The following MEI4 variants were observed in gnomAD, a reference collection of about 807,000 sequenced individuals.
The protein encoded by MEI4 is meiosis-specific protein MEI4.
Under a neutral mutation model 31.4 loss-of-function variants are expected in MEI4, and 27 were observed. The ratio of observed to expected loss-of-function variants is 0.86; its 90% CI spans 0.63 to 1.19. MEI4 has a LOEUF of 1.19. Among genes scored for constraint, MEI4 ranks in the 50% most tolerant of loss-of-function variants. MEI4 has a pLI of 0.00. For missense variants in MEI4, 329 were observed against 398.9 expected, an observed-to-expected ratio of 0.82 and a Z score of 1.49; for synonymous variants, 122 against 145.4, an observed-to-expected ratio of 0.84 and a Z score of 1.16.
intron 4 of MEI4, among the ~76,000 whole-genome samples, chr6:77,911,081 G>C (rs567407839): frequency 1.2e-4 from 18 of 151,870 alleles, no homozygotes; most frequent in Admixed American, 1.1e-3. Context: ...AGGCATGTTG[G>C]TTCATGTCCT....
At chr6:77,754,900 C>G (rs1384666309) in intron 2 of MEI4, among the ~76,000 whole-genome samples, 7 of 152,168 alleles carry the variant, frequency 4.6e-5, no homozygotes, top group Non-Finnish European at 7.3e-5. Flanking sequence ...CCAATCACCT[C>G]CCACCAGGCC....
rs1239542138 is a variant in MEI4, at chr6:77,925,769, GATA to G, written c.*2427_*2429del. 1 of 146,958 alleles carries G rather than the reference GATA, an allele frequency of 6.8e-6. No homozygotes were observed. Among genetic ancestry groups the G allele is most frequent in the Non-Finnish European group, 1.5e-5 (1 of 66,990 alleles). 9.1% of individuals were successfully genotyped at this position (146,958 alleles called of 1,614,324 possible). On this transcript the variant is annotated 3_prime_UTR_variant, in exon 5 of 5. Coordinates refer to ENST00000684080, the MANE Select transcript of MEI4 (RefSeq NM_001322247.2). ...TTAATATAAGCTATAATAAATATAT[GATA>G]ATATATTTTATATGAGAGTAAATAT...
At chr6:77,832,830 C>T (rs1293969502) in intron 4 of MEI4, among the ~76,000 whole-genome samples, 5 of 152,072 alleles carry the variant, frequency 3.3e-5, no homozygotes, top group African/African-American at 1.2e-4. Flanking sequence ...TAATTTGTCT[C>T]ATGCAACTGG....
At chr6:77,781,941 TG>T (rs1423211492) in intron 3 of MEI4, among the ~76,000 whole-genome samples, 1 of 152,170 alleles carries the variant, frequency 6.6e-6, no homozygotes, top group Non-Finnish European at 1.5e-5. Context: ...ATCTCTGCAA[TG>T]GTTACCCACC....
intron 2 of MEI4, among the ~76,000 whole-genome samples, chr6:77,698,887 G>C (rs553500680): frequency 0.013 from 1,944 of 152,076 alleles, 49 homozygotes; most frequent in African/African-American, 0.043. Context: ...CCATTCTCCC[G>C]GTCACTTTCA....
intron 3 of MEI4, among the ~76,000 whole-genome samples, chr6:77,825,738 CATT>C (rs1167650206): frequency 1.3e-5 from 2 of 152,156 alleles, no homozygotes; most frequent in African/African-American, 2.4e-5. Context: ...ATTTGGGACT[CATT>C]GTTACAGCTT....
intron 2 of MEI4, among the ~76,000 whole-genome samples, chr6:77,742,441 G>A (rs1237932292): frequency 2.6e-5 from 4 of 152,120 alleles, no homozygotes; most frequent in South Asian, 2.1e-4. Context: ...GTCTGTTCAT[G>A]TCCTTTGCCC....
chr6:77,728,258 C>T (rs1564654), intron 2 of MEI4, among the ~76,000 whole-genome samples: 43,990 of 152,048 alleles, frequency 0.29, 6,495 homozygotes, highest in East Asian at 0.48. Flanking sequence ...AAATGTATTA[C>T]ACTAGCTTAG....
At chr6:77,805,120 T>A (rs1369585527) in intron 3 of MEI4, among the ~76,000 whole-genome samples, 2 of 152,158 alleles carry the variant, frequency 1.3e-5, no homozygotes, top group African/African-American at 4.8e-5. Flanking sequence ...GATTATTTTA[T>A]TGTAGAGAAA....
At position 77,714,840 on chromosome 6, in the gene MEI4, T is replaced by C. The variant is rs115937542; in HGVS notation, c.232+23937T>C. ...ATGCTCCATGATCTCTCAACACTCATGCAATATCAAGTATTTTTTGCCCTT... is the reference window on the plus strand; with the variant it reads ...ATGCTCCATGATCTCTCAACACTCACGCAATATCAAGTATTTTTTGCCCTT... On this transcript the variant is annotated intron_variant, in intron 2 of 4. Transcript: ENST00000684080. Among the ~76,000 whole-genome samples, 83 of 152,322 alleles carry C rather than the reference T, an allele frequency of 5.4e-4. 2 individuals carry two copies. The highest frequency in any genetic ancestry group is 1.8e-3 in the African/African-American group (75 of 41,578).
rs181905098 is a variant in MEI4 at position 77,820,410 on chromosome 6, C to T, written c.769-8521C>T. ...CTGAGTAGCTGGGACTACAGGCACA[C>T]GCCACCATGCCCCCCTGGCTAATTT... On this transcript the variant is annotated intron_variant, in intron 3 of 4. Transcript: ENST00000684080. This position sits in a 1 kb window ranked among gnomAD's most constrained non-coding sequence, Gnocchi z 4.5. Among the ~76,000 whole-genome samples, 109 of 151,190 alleles carry T rather than the reference C, an allele frequency of 7.2e-4. No individual in the cohort carries two copies. Among genetic ancestry groups the T allele is most frequent in the African/African-American group, 1.9e-3 (78 of 41,466 alleles).
chr6:77,903,419 A>G (rs1766226788), intron 4 of MEI4, among the ~76,000 whole-genome samples: 1 of 152,146 alleles, frequency 6.6e-6, no homozygotes, highest in Non-Finnish European at 1.5e-5. Context: ...ATCTAATGTA[A>G]GTGTTCTGAG....
At chr6:77,681,525 G>T (rs1439805897) in intron 1 of MEI4, among the ~76,000 whole-genome samples, 3 of 152,116 alleles carry the variant, frequency 2.0e-5, no homozygotes, top group African/African-American at 7.2e-5. Flanking sequence ...TGCTGGTTGT[G>T]CCATGTGTAC....
chr6:77,750,498 C>T (rs1270137718), intron 2 of MEI4, among the ~76,000 whole-genome samples: 2 of 152,048 alleles, frequency 1.3e-5, no homozygotes, highest in African/African-American at 4.8e-5. Flanking sequence ...GACTTTAAAC[C>T]AACAAAGATC....
chr6:77,754,857 T>C (rs1767871554), intron 2 of MEI4, among the ~76,000 whole-genome samples: 1 of 151,968 alleles, frequency 6.6e-6, no homozygotes, highest in Non-Finnish European at 1.5e-5. Context: ...CTCACTGTCA[T>C]GAGAACGACA....
chr6:77,831,403 T>C (rs1480732016), intron 4 of MEI4, among the ~76,000 whole-genome samples: 1 of 151,738 alleles, frequency 6.6e-6, no homozygotes, highest in African/African-American at 2.4e-5. Flanking sequence ...CTGCTGGCTA[T>C]GTATCCAAAA....
chr6:77,687,235 A>G (rs1270437718), intron 1 of MEI4, among the ~76,000 whole-genome samples: 1 of 152,152 alleles, frequency 6.6e-6, no homozygotes, highest in Non-Finnish European at 1.5e-5. Flanking sequence ...GACTGATTTT[A>G]TACTTTAAAC....
intron 1 of MEI4, among the ~76,000 whole-genome samples, chr6:77,682,644 C>T (rs1020073378): frequency 6.6e-6 from 1 of 152,102 alleles, no homozygotes; most frequent in African/African-American, 2.4e-5. Flanking sequence ...GGCCAAGTAG[C>T]CCTGTGATTG....
chr6:77,776,370 A>G (rs1374840588), intron 3 of MEI4, among the ~76,000 whole-genome samples: 1 of 152,072 alleles, frequency 6.6e-6, no homozygotes, highest in African/African-American at 2.4e-5. Flanking sequence ...CAAATAGGCC[A>G]TGCCGCTACC....
Sources: allele counts gnomAD v4.1 joint callset (sites outside exome capture counted in the v4.1 genomes callset), GRCh38; gene constraint gnomAD v4.1.1; non-coding constraint Gnocchi (gnomAD v3.1); transcripts MANE v1.5; gene names NCBI Gene and HGNC (gene_info 2026-07-23, HGNC 2026-07-21).